Variants in GALNTL6 observed in about 807,000 individuals in gnomAD.
GALNTL6 encodes polypeptide N-acetylgalactosaminyltransferase-like 6.
Under a neutral mutation model 73.7 loss-of-function variants are expected in GALNTL6, and 46 were observed. That is an observed-to-expected ratio of 0.62 (90% CI 0.49 to 0.80). GALNTL6 has a LOEUF of 0.80. Among genes scored for constraint, GALNTL6 ranks in the 30% least tolerant of loss-of-function variants. The pLI is 0.00. For synonymous variants in GALNTL6, 259 were observed against 263.7 expected (o/e 0.98, Z 0.17); for missense variants, 604 against 755.0 (o/e 0.80, Z 2.34).
intron 5 of GALNTL6, among the ~76,000 whole-genome samples, chr4:172,768,317 A>G (rs774677788): frequency 1.3e-5 from 2 of 152,208 alleles, no homozygotes; most frequent in Non-Finnish European, 2.9e-5. Context: ...AATGGAATAC[A>G]TAGAGTAGGT....
chr4:172,624,221 A>C (rs553836170), intron 5 of GALNTL6, among the ~76,000 whole-genome samples: 2 of 152,212 alleles, frequency 1.3e-5, no homozygotes, highest in Non-Finnish European at 2.9e-5. Context: ...GAGTTGTATG[A>C]TCAAATGCAG....
chr4:173,019,381 G>A (rs1245463561), intron 11 of GALNTL6, among the ~76,000 whole-genome samples: 1 of 152,162 alleles, frequency 6.6e-6, no homozygotes, highest in Non-Finnish European at 1.5e-5. Context: ...GCAAGGACAG[G>A]GTCCAAGAGA....
intron 5 of GALNTL6, among the ~76,000 whole-genome samples, chr4:172,596,272 A>G (rs1175717613): frequency 6.6e-6 from 1 of 151,944 alleles, no homozygotes; most frequent in Non-Finnish European, 1.5e-5. Flanking sequence ...CCTAGGCAAC[A>G]TGGTGAAACC....
chr4:172,585,362 G>T (rs1361524168), intron 5 of GALNTL6, among the ~76,000 whole-genome samples: 1 of 151,946 alleles, frequency 6.6e-6, no homozygotes, highest in African/African-American at 2.4e-5. Flanking sequence ...TAGGTTTTAT[G>T]CCCCGCATGC....
chr4:172,497,524 C>T (rs564803428), intron 5 of GALNTL6, among the ~76,000 whole-genome samples: 1 of 152,326 alleles, frequency 6.6e-6, no homozygotes, highest in South Asian at 2.1e-4. Flanking sequence ...CACCAGCTTT[C>T]ATGATTCATC....
chr4:171,847,009 T>C (rs1244914848), intron 2 of GALNTL6, among the ~76,000 whole-genome samples: 1 of 149,806 alleles, frequency 6.7e-6, no homozygotes, highest in Non-Finnish European at 1.5e-5. Flanking sequence ...TATATAGATA[T>C]CTATATCTCT....
At chr4:171,817,646 T>C (rs1043568058) in intron 2 of GALNTL6, among the ~76,000 whole-genome samples, 4 of 151,694 alleles carry the variant, frequency 2.6e-5, no homozygotes, top group African/African-American at 9.7e-5. Flanking sequence ...AAATAATATT[T>C]AAGATAATTT....
At chr4:172,874,306 G>A (rs921031999) in intron 7 of GALNTL6, among the ~76,000 whole-genome samples, 32 of 152,166 alleles carry the variant, frequency 2.1e-4, no homozygotes, top group African/African-American at 7.2e-4. Flanking sequence ...TTCCAGGGTT[G>A]GATGGAGAGT....
chr4:171,816,212 T>A (rs1734520333), intron 2 of GALNTL6: 1 of 152,108 alleles, frequency 6.6e-6, no homozygotes, highest in African/African-American at 2.4e-5. Context: ...TTCTTGAAAT[T>A]TGCTAATTCA....
chr4:172,946,039 T>G (rs1749150129), intron 9 of GALNTL6, among the ~76,000 whole-genome samples: 1 of 152,166 alleles, frequency 6.6e-6, no homozygotes, highest in Non-Finnish European at 1.5e-5. Flanking sequence ...ATACACCTCC[T>G]TGCTGTAGGA....
chr4:171,888,461 A>C (rs1488512511), intron 2 of GALNTL6, among the ~76,000 whole-genome samples: 1 of 151,736 alleles, frequency 6.6e-6, no homozygotes, highest in Non-Finnish European at 1.5e-5. Context: ...ATATCCTGAC[A>C]TAATCAAATC....
At chr4:172,459,982 A>C (rs555569838) in intron 5 of GALNTL6, among the ~76,000 whole-genome samples, 2 of 152,348 alleles carry the variant, frequency 1.3e-5, no homozygotes, top group African/African-American at 4.8e-5. Context: ...AGTCTATAGT[A>C]ACAAAAACAG....
intron 5 of GALNTL6, among the ~76,000 whole-genome samples, chr4:172,773,600 C>CAA (rs11382532): frequency 0.015 from 2,123 of 145,662 alleles, 26 homozygotes; most frequent in African/African-American, 0.042. Context: ...ATTCAGTGAC[C>CAA]AAAAAAAAAA....
rs183026034 is a variant in GALNTL6, at chr4:172,042,011, A to G, written c.139-187645A>G. Among the ~76,000 whole-genome samples the G allele has an allele frequency of 3.7e-3, 570 of 152,218 alleles. 5 individuals are homozygous for G. The highest frequency in any genetic ancestry group is 0.013 in the African/African-American group (535 of 41,556). ...TAAAAAGCCAAGACTGACCTCTTGG[A>G]AAGCCACTTGAAAAGGTCATGTGTA... On this transcript the variant is annotated intron_variant, in intron 2 of 12. Transcript: ENST00000506823.
At chr4:172,757,716 A>G (rs1737831156) in intron 5 of GALNTL6, among the ~76,000 whole-genome samples, 1 of 152,256 alleles carries the variant, frequency 6.6e-6, no homozygotes, top group Admixed American at 6.5e-5. Flanking sequence ...GAAACATTCC[A>G]TAAATATTAA....
chr4:172,549,566 G>A (rs1735885061), intron 5 of GALNTL6, among the ~76,000 whole-genome samples: 1 of 151,848 alleles, frequency 6.6e-6, no homozygotes, highest in South Asian at 2.1e-4. Flanking sequence ...TAAAAGTTGT[G>A]TAGGTTGTTT....
chr4:172,227,875 C>T (rs1006443829), intron 2 of GALNTL6, among the ~76,000 whole-genome samples: 20 of 152,158 alleles, frequency 1.3e-4, no homozygotes, highest in Non-Finnish European at 5.9e-5. Flanking sequence ...AGAGCTTAAA[C>T]GCTGGAGTTT....
intron 3 of GALNTL6, among the ~76,000 whole-genome samples, chr4:172,268,591 C>A (rs989992566): frequency 6.6e-6 from 1 of 152,158 alleles, no homozygotes; most frequent in African/African-American, 2.4e-5. Flanking sequence ...GTAGCTAATA[C>A]CTTTCGCAGT....
intron 5 of GALNTL6, among the ~76,000 whole-genome samples, chr4:172,533,316 ATT>A (rs34973148): frequency 3.9e-5 from 3 of 77,418 alleles, no homozygotes; most frequent in South Asian, 1.1e-3. Context: ...CCCGGCCAGA[ATT>A]TTTTTTTTTT....
Sources: gnomAD v4.1 joint callset for allele counts (sites outside exome capture counted in the v4.1 genomes callset) on GRCh38, gnomAD v4.1.1 for gene constraint, MANE v1.5 for transcripts, NCBI Gene and HGNC (gene_info 2026-07-23, HGNC 2026-07-21) for gene names.